Variants in TENM3 observed in about 807,000 individuals in gnomAD.
The protein encoded by TENM3 is teneurin-3.
A neutral mutation model predicts 255.1 loss-of-function variants in TENM3; 63 were observed. The ratio of observed to expected loss-of-function variants is 0.25; its 90% CI spans 0.20 to 0.30. TENM3 has a LOEUF of 0.30. Ranked by LOEUF, TENM3 falls within the 10% of genes least tolerant of loss-of-function variation. TENM3 has a pLI of 1.00. For synonymous variants in TENM3, 1,306 were observed against 1,322.3 expected, an observed-to-expected ratio of 0.99 and a Z score of 0.27; for missense variants, 2,929 against 3,461.1, an observed-to-expected ratio of 0.85 and a Z score of 3.86.
intron 16 of TENM3, among the ~76,000 whole-genome samples, chr4:182,733,501 G>A (rs543291080): frequency 7.1e-6 from 1 of 139,982 alleles, no homozygotes; most frequent in East Asian, 1.9e-4. Flanking sequence ...ATGGTGGCTT[G>A]GACAAAAGTC....
chr4:181,793,936 T>A, the TENM3 span, among the ~76,000 whole-genome samples: 1 of 152,320 alleles, frequency 6.6e-6, no homozygotes, highest in South Asian at 2.1e-4. Flanking sequence ...CCTATAGTCC[T>A]TTTTTATTAC....
chr4:181,618,376 T>G, the TENM3 span, among the ~76,000 whole-genome samples: 10 of 152,300 alleles, frequency 6.6e-5, no homozygotes, highest in South Asian at 2.1e-3. Flanking sequence ...TCCACAGATA[T>G]ATCCATCCCA....
At chr4:181,849,612 C>T in the TENM3 span, among the ~76,000 whole-genome samples, 1 of 152,182 alleles carries the variant, frequency 6.6e-6, no homozygotes, top group East Asian at 1.9e-4. Flanking sequence ...TTAAAAGCCA[C>T]TTAAAAAGTC....
intron 24 of TENM3, among the ~76,000 whole-genome samples, chr4:182,787,063 G>C (rs1263952698): frequency 1.3e-5 from 2 of 152,104 alleles, no homozygotes; most frequent in East Asian, 3.8e-4. Context: ...TATGTAACTA[G>C]CCGGTAGCTT....
chr4:181,772,206 C>T, the TENM3 span, among the ~76,000 whole-genome samples: 15 of 151,976 alleles, frequency 9.9e-5, no homozygotes, highest in South Asian at 4.2e-4. Flanking sequence ...GGTGAAACAC[C>T]GTCTCTACTA....
At chr4:181,948,241 C>T in the TENM3 span, among the ~76,000 whole-genome samples, 13 of 151,740 alleles carry the variant, frequency 8.6e-5, no homozygotes, top group East Asian at 1.9e-4. Flanking sequence ...ATTTAATTCA[C>T]GGGGGGAAAA....
chr4:181,806,486 G>C, the TENM3 span, among the ~76,000 whole-genome samples: 1 of 152,214 alleles, frequency 6.6e-6, no homozygotes, highest in Non-Finnish European at 1.5e-5. Flanking sequence ...ATTAAGATGT[G>C]AGAGCTTTAA....
the TENM3 span, among the ~76,000 whole-genome samples, chr4:181,481,478 G>A: frequency 1.3e-5 from 2 of 152,248 alleles, no homozygotes; most frequent in South Asian, 4.1e-4. Flanking sequence ...GTGCTACATA[G>A]ACTGACAGAT....
intron 3 of TENM3, among the ~76,000 whole-genome samples, chr4:182,547,466 A>T (rs1741558104): frequency 6.6e-6 from 1 of 152,114 alleles, no homozygotes; most frequent in Non-Finnish European, 1.5e-5. Context: ...CCATATTTTA[A>T]TTTTTTAGTT....
At chr4:181,890,930 A>C in the TENM3 span, among the ~76,000 whole-genome samples, 1 of 152,230 alleles carries the variant, frequency 6.6e-6, no homozygotes, top group African/African-American at 2.4e-5. Flanking sequence ...CAGTAAAAAT[A>C]ATGGAACTAA....
chr4:181,853,005 T>C, the TENM3 span, among the ~76,000 whole-genome samples: 6 of 152,298 alleles, frequency 3.9e-5, no homozygotes, highest in Admixed American at 3.3e-4. Context: ...AGTATGCAAA[T>C]ACCTTAAGAG....
the TENM3 span, among the ~76,000 whole-genome samples, chr4:181,515,141 A>G: frequency 6.6e-6 from 1 of 152,242 alleles, no homozygotes; most frequent in Non-Finnish European, 1.5e-5. Context: ...ATCAAGTTCC[A>G]GTTCTCTTAC....
the TENM3 span, among the ~76,000 whole-genome samples, chr4:181,604,220 G>T: frequency 6.6e-6 from 1 of 151,996 alleles, no homozygotes; most frequent in African/African-American, 2.4e-5. Flanking sequence ...AGCCGAGATC[G>T]CGCCACAGCA....
intron 4 of TENM3, among the ~76,000 whole-genome samples, chr4:182,606,113 G>A (rs6820811): frequency 0.64 from 97,122 of 152,092 alleles, 33,398 homozygotes; most frequent in East Asian, 0.92. Context: ...GACCCCCTTC[G>A]CAGAAAAAGC....
the TENM3 span, among the ~76,000 whole-genome samples, chr4:182,122,628 G>T: frequency 6.6e-6 from 1 of 152,144 alleles, no homozygotes; most frequent in East Asian, 1.9e-4. Flanking sequence ...CAGATGTGCT[G>T]TCATCCAGGT....
the TENM3 span, among the ~76,000 whole-genome samples, chr4:181,893,995 C>A: frequency 6.6e-6 from 1 of 151,156 alleles, no homozygotes; most frequent in African/African-American, 2.4e-5. Context: ...AGGGAAAAAA[C>A]AGGCTTGGAT....
At chr4:181,558,338 G>C in the TENM3 span, among the ~76,000 whole-genome samples, 30 of 152,298 alleles carry the variant, frequency 2.0e-4, no homozygotes, top group African/African-American at 7.2e-4. Flanking sequence ...CCACAACTGA[G>C]TTCAACAATA....
the TENM3 span, among the ~76,000 whole-genome samples, chr4:181,457,526 T>C: frequency 2.0e-5 from 3 of 151,822 alleles, no homozygotes; most frequent in Admixed American, 2.0e-4. Flanking sequence ...ACAGAAACAG[T>C]TGTTACTGAT....
intron 16 of TENM3, among the ~76,000 whole-genome samples, chr4:182,735,885 G>A (rs1761121758): frequency 6.6e-6 from 1 of 152,082 alleles, no homozygotes; most frequent in African/African-American, 2.4e-5. Flanking sequence ...AATATTGTCA[G>A]CATACACTGA....
Sources: gnomAD v4.1 joint callset for allele counts (sites outside exome capture counted in the v4.1 genomes callset) on GRCh38, gnomAD v4.1.1 for gene constraint, MANE v1.5 for transcripts, NCBI Gene and HGNC (gene_info 2026-07-23, HGNC 2026-07-21) for gene names.